Variants in RSU1 observed in about 807,000 individuals in gnomAD.
RSU1 encodes rsu-1.
A neutral mutation model predicts 31.1 loss-of-function variants in RSU1; 26 were observed. The ratio of observed to expected loss-of-function variants is 0.84; its 90% CI spans 0.61 to 1.16. RSU1 has a LOEUF of 1.16. Ranked by LOEUF, RSU1 falls within the 50% of genes most tolerant of loss-of-function variation. The pLI, the probability that RSU1 is intolerant of heterozygous loss-of-function variation, is 0.00. For missense variants in RSU1, 320 were observed against 339.1 expected, an observed-to-expected ratio of 0.94 and a Z score of 0.44; for synonymous variants, 164 against 136.3, an observed-to-expected ratio of 1.20 and a Z score of -1.41.
At chr10:16,767,619 AG>A (rs1837340421) in intron 3 of RSU1, among the ~76,000 whole-genome samples, 1 of 152,128 alleles carries the variant, frequency 6.6e-6, no homozygotes, top group Admixed American at 6.5e-5. Flanking sequence ...TTTAACCCCC[AG>A]CCATAGTGAA....
At chr10:16,655,209 T>C (rs1483519818) in intron 8 of RSU1, among the ~76,000 whole-genome samples, 1 of 152,162 alleles carries the variant, frequency 6.6e-6, no homozygotes, top group African/African-American at 2.4e-5. Context: ...TAATTCTCTC[T>C]CAAATGAATT....
At chr10:16,688,288 G>T (rs1193646126) in intron 8 of RSU1, among the ~76,000 whole-genome samples, 3 of 152,140 alleles carry the variant, frequency 2.0e-5, no homozygotes, top group Non-Finnish European at 4.4e-5. Flanking sequence ...TGGATAAAAT[G>T]TGATAATGCA....
chr10:16,712,824 A>G (rs1307676037), intron 7 of RSU1, among the ~76,000 whole-genome samples: 2 of 152,116 alleles, frequency 1.3e-5, no homozygotes, highest in Non-Finnish European at 2.9e-5. Flanking sequence ...TTTCATGATA[A>G]TTATTGTCCT....
At chr10:16,628,441 C>A (rs905589648) in intron 8 of RSU1, among the ~76,000 whole-genome samples, 1 of 152,168 alleles carries the variant, frequency 6.6e-6, no homozygotes, top group Non-Finnish European at 1.5e-5. Context: ...TACTTAATTT[C>A]TTTCGATATA....
At chr10:16,663,737 ACC>A (rs1037487652) in intron 8 of RSU1, among the ~76,000 whole-genome samples, 2 of 152,106 alleles carry the variant, frequency 1.3e-5, no homozygotes, top group Non-Finnish European at 2.9e-5. Flanking sequence ...TGCTCTGCAT[ACC>A]CCACAGATCA....
chr10:16,646,692 A>G (rs1032265954), intron 8 of RSU1, among the ~76,000 whole-genome samples: 1 of 152,272 alleles, frequency 6.6e-6, no homozygotes, highest in African/African-American at 2.4e-5. Flanking sequence ...CTTCTGAGTA[A>G]CAGTCTCAAA....
At chr10:16,736,512 G>C (rs2131605572) in intron 7 of RSU1, among the ~76,000 whole-genome samples, 1 of 152,104 alleles carries the variant, frequency 6.6e-6, no homozygotes, top group East Asian at 1.9e-4. Context: ...AAAGAATCAA[G>C]CTAACCAAAA....
chr10:16,679,810 C>G (rs1835294969), intron 8 of RSU1, among the ~76,000 whole-genome samples: 1 of 151,398 alleles, frequency 6.6e-6, no homozygotes. Context: ...TGCAGGAACA[C>G]TCAGGGCAAA....
intron 2 of RSU1, among the ~76,000 whole-genome samples, chr10:16,814,456 A>AT (rs1838481554): frequency 6.9e-6 from 1 of 144,492 alleles, no homozygotes; most frequent in Non-Finnish European, 1.5e-5. Context: ...TTCAGGAAAA[A>AT]AAAAAAAAAA....
chr10:16,777,461 A>G (rs537842927), intron 3 of RSU1, among the ~76,000 whole-genome samples: 1 of 152,318 alleles, frequency 6.6e-6, no homozygotes. Flanking sequence ...TTCTATAAGG[A>G]TTTACCTTAA....
At chr10:16,699,529 G>A (rs17139051) in intron 7 of RSU1, among the ~76,000 whole-genome samples, 2,282 of 152,288 alleles carry the variant, frequency 0.015, 52 homozygotes, top group African/African-American at 0.049. Context: ...ATCTCACCCC[G>A]CTGTCAGTCA....
chr10:16,623,638 C>G (rs190588402), intron 8 of RSU1, among the ~76,000 whole-genome samples: 3 of 152,310 alleles, frequency 2.0e-5, no homozygotes, highest in Admixed American at 1.3e-4. Context: ...CATATTCCCA[C>G]CAGCAGTATA....
At chr10:16,726,860 A>C (rs957392727) in intron 7 of RSU1, among the ~76,000 whole-genome samples, 10 of 152,116 alleles carry the variant, frequency 6.6e-5, no homozygotes, top group Non-Finnish European at 1.3e-4. Context: ...TAGGCATTGG[A>C]TGAAGCGAGC....
intron 3 of RSU1, among the ~76,000 whole-genome samples, chr10:16,781,409 A>C (rs1173271509): frequency 6.6e-6 from 1 of 152,202 alleles, no homozygotes; most frequent in African/African-American, 2.4e-5. Flanking sequence ...TGCAGATGTA[A>C]AGGTATATCA....
At chr10:16,759,375 T>C (rs1345183731) in intron 4 of RSU1, among the ~76,000 whole-genome samples, 2 of 150,294 alleles carry the variant, frequency 1.3e-5, no homozygotes, top group East Asian at 1.9e-4. Flanking sequence ...GGCGTGGTGG[T>C]GCGTACCTGT....
intron 8 of RSU1, among the ~76,000 whole-genome samples, chr10:16,624,075 G>A (rs1834116072): frequency 6.6e-6 from 1 of 152,082 alleles, no homozygotes; most frequent in Non-Finnish European, 1.5e-5. Flanking sequence ...ACTAGGTATT[G>A]TTCTAGGTAC....
chr10:16,777,222 A>G (rs1837551498), intron 3 of RSU1, among the ~76,000 whole-genome samples: 1 of 152,190 alleles, frequency 6.6e-6, no homozygotes, highest in Non-Finnish European at 1.5e-5. Flanking sequence ...TTTTTGAATT[A>G]AAATCTGGTT....
intron 8 of RSU1, among the ~76,000 whole-genome samples, chr10:16,615,945 C>T (rs1454644274): frequency 2.0e-5 from 3 of 151,892 alleles, no homozygotes; most frequent in African/African-American, 7.3e-5. Flanking sequence ...ATCAACACCC[C>T]AACGTTACAA....
chr10:16,768,169 A>T (rs1157536384), intron 3 of RSU1, among the ~76,000 whole-genome samples: 6 of 152,218 alleles, frequency 3.9e-5, no homozygotes, highest in Non-Finnish European at 8.8e-5. Context: ...ACTAAAGAGC[A>T]ACGTGGTCCC....
Sources: allele counts gnomAD v4.1 joint callset (sites outside exome capture counted in the v4.1 genomes callset), GRCh38; gene constraint gnomAD v4.1.1; transcripts MANE v1.5; gene names NCBI Gene and HGNC (gene_info 2026-07-23, HGNC 2026-07-21).